IRAG1: variants seen among roughly 807,000 people sequenced by gnomAD.
IRAG1 encodes the protein inositol 1,4,5-triphosphate receptor associated 1.
In IRAG1, 62 loss-of-function variants were observed where a neutral mutation model predicts 106.2. The observed-to-expected ratio is 0.58, with a 90% confidence interval of 0.48 to 0.72. The LOEUF (loss-of-function observed/expected upper bound fraction) is 0.72, where lower values mean the gene tolerates loss of function less well. Among genes scored for constraint, IRAG1 ranks in the 30% least tolerant of loss-of-function variants. IRAG1 has a pLI of 0.00. For missense variants in IRAG1, 1,064 were observed against 1,140.7 expected (o/e 0.93, Z 0.97); for synonymous variants, 462 against 443.9 (o/e 1.04, Z -0.51).
intron 15 of IRAG1, among the ~76,000 whole-genome samples, chr11:10,595,010 C>A (rs1448588732): frequency 6.6e-6 from 1 of 152,134 alleles, no homozygotes; most frequent in African/African-American, 2.4e-5. Context: ...CTGCAACCTC[C>A]GGCTCCTGGG....
chr11:10,658,814 T>C (rs1251986587), intron 1 of IRAG1, among the ~76,000 whole-genome samples: 1 of 151,064 alleles, frequency 6.6e-6, no homozygotes, highest in Non-Finnish European at 1.5e-5. Context: ...GTCCTAGGTC[T>C]GTGCTGTGGT....
At chr11:10,594,495 T>G (rs772069479) in intron 15 of IRAG1, among the ~76,000 whole-genome samples, 2 of 152,182 alleles carry the variant, frequency 1.3e-5, no homozygotes, top group African/African-American at 4.8e-5. Flanking sequence ...ACACCCTAGA[T>G]AGTGTATGAA....
chr11:10,685,726 G>T, intron 1 of IRAG1, among the ~76,000 whole-genome samples: 1 of 135,834 alleles, frequency 7.4e-6, no homozygotes, highest in South Asian at 2.4e-4. Context: ...TGCCTCTCTT[G>T]AAAAAAAAAA....
At chr11:10,627,593 G>GA in intron 8 of IRAG1, 123 bp downstream of exon 8, 1 of 1,006,310 alleles carries the variant, frequency 9.9e-7, no homozygotes, top group East Asian at 2.4e-5. Flanking sequence ...CCCCAGCCCT[G>GA]ACCCTCCACT....
At chr11:10,593,831 T>G in intron 16 of IRAG1, 1 of 574,726 alleles carries the variant, frequency 1.7e-6, no homozygotes, top group Admixed American at 3.1e-5. Flanking sequence ...TTATGAGATC[T>G]TGGAGATACA....
Position 10,574,829 on chromosome 11 carries a change from C to T in IRAG1, c.*1503G>A, listed in dbSNP as rs1850738162. On this transcript the variant is annotated 3_prime_UTR_variant, in exon 21 of 21. Coordinates refer to ENST00000423302, the MANE Select transcript of IRAG1 (RefSeq NM_130385.4). ...GAGCACAGCTCTGGAGCCAGCCTAC[C>T]CTGGGGTTGAGCTCCAGCCCCATGA... is the stretch of plus-strand genomic sequence containing the variant. The T allele has an allele frequency of 6.6e-6, 1 of 152,140 alleles. No individual in the cohort carries two copies. Among genetic ancestry groups the T allele is most frequent in the Non-Finnish European group, 1.5e-5 (1 of 68,038 alleles). The allele number at this position is 152,140 out of a possible 1,614,324, so 9.4% of individuals were successfully genotyped here. A position where few individuals can be genotyped will look rare whatever the true frequency, so the allele number is the denominator to read the frequency against.
rs996533664 is a variant in IRAG1 at position 10,574,866 on chromosome 11, G to C, written c.*1466C>G. On this transcript the variant is annotated 3_prime_UTR_variant, in exon 21 of 21. Transcript: ENST00000423302. ...CTCCAGCCCCATGATTTACTACCGG[G>C]GTGTCCTTGTCAAGTTACTTGTTCT... The C allele has an allele frequency of 6.6e-6, 1 of 152,034 alleles. No individual in the cohort carries two copies. Among genetic ancestry groups the C allele is most frequent in the Non-Finnish European group, 1.5e-5 (1 of 68,024 alleles). 9.4% of individuals were successfully genotyped at this position (152,034 alleles called of 1,614,324 possible).
At chr11:10,637,552 A>AAAAAG (rs1857230892) in intron 2 of IRAG1, among the ~76,000 whole-genome samples, 1 of 152,160 alleles carries the variant, frequency 6.6e-6, no homozygotes, top group Non-Finnish European at 1.5e-5. Context: ...CAGGAAGATT[A>AAAAAG]TGCAAGTAAA....
intron 1 of IRAG1, among the ~76,000 whole-genome samples, chr11:10,664,245 G>C (rs567318951): frequency 6.6e-6 from 1 of 152,292 alleles, no homozygotes; most frequent in South Asian, 2.1e-4. Flanking sequence ...ACCAGCAGGA[G>C]AGAGTGTTCT....
At chr11:10,616,229 C>T (rs1004316284) in intron 10 of IRAG1, among the ~76,000 whole-genome samples, 1 of 147,552 alleles carries the variant, frequency 6.8e-6, no homozygotes, top group Non-Finnish European at 1.5e-5. Flanking sequence ...GGAGGTGGAG[C>T]TTGCAGTGAG....
At chr11:10,692,195 G>A (rs1231743298) in intron 1 of IRAG1, among the ~76,000 whole-genome samples, 2 of 150,956 alleles carry the variant, frequency 1.3e-5, no homozygotes, top group Admixed American at 6.6e-5. Context: ...AAATATGCAT[G>A]CACACACACA....
At chr11:10,692,341 G>A (rs1001496752) in intron 1 of IRAG1, among the ~76,000 whole-genome samples, 3 of 152,136 alleles carry the variant, frequency 2.0e-5, no homozygotes, top group African/African-American at 7.2e-5. Context: ...TGAGAGGCAT[G>A]GGCACTGGAG....
At position 10,672,679 on chromosome 11, in the gene IRAG1, G is replaced by A. The variant is rs552866771; in HGVS notation, c.68-20497C>T. On this transcript the variant is annotated intron_variant, in intron 1 of 20. Transcript: ENST00000423302. The stretch of plus-strand genomic sequence containing the variant: ...AATAAAAAAGACAACAGCAAGTGTC[G>A]ACTAGGATGTGAAGAAACTAGAACC... Among the ~76,000 whole-genome samples the A allele has an allele frequency of 1.1e-4, 16 of 152,266 alleles. No homozygotes were observed. The South Asian group carries it at 2.7e-3, about 26-fold the overall frequency.
chr11:10,648,797 CTGCGTGTGTGTCTGTGTGTGTGTA>C (rs1858193295), intron 2 of IRAG1, among the ~76,000 whole-genome samples: 1 of 151,716 alleles, frequency 6.6e-6, no homozygotes, highest in South Asian at 2.1e-4. Flanking sequence ...GCCTGTGTAT[CTGCGTGTGTGTCTGTGTGTGTGTA>C]TGCGTGTGTA....
chr11:10,648,604 C>T (rs550439798), intron 2 of IRAG1, among the ~76,000 whole-genome samples: 6 of 152,312 alleles, frequency 3.9e-5, no homozygotes, highest in African/African-American at 1.4e-4. Context: ...GTTCTGACAG[C>T]TTCTATTCCT....
At chr11:10,630,534 C>T (rs1291888358) in intron 4 of IRAG1, among the ~76,000 whole-genome samples, 9 of 152,170 alleles carry the variant, frequency 5.9e-5, no homozygotes, top group Non-Finnish European at 1.2e-4. Context: ...ATTATGTCTT[C>T]TACCTAAGAG....
Position 10,604,676 on chromosome 11 carries a change from G to A in IRAG1, c.1603-131C>T, listed in dbSNP as rs1266596074. ...GCCGCCAAAGCACCAAAGCAGCCATGTGCAAGGGAAACGCTCACTTCACAG... is the reference window on the plus strand; with the variant it reads ...GCCGCCAAAGCACCAAAGCAGCCATATGCAAGGGAAACGCTCACTTCACAG... On this transcript the variant is annotated intron_variant, in intron 12 of 20. Transcript: ENST00000423302. The A allele has an allele frequency of 2.7e-6, 3 of 1,114,364 alleles. No homozygotes were observed. The African/African-American group carries it at 4.7e-5, about 17-fold the overall frequency. The allele number at this position is 1,114,364 out of a possible 1,614,324, so 69.0% of individuals were successfully genotyped here. A position where few individuals can be genotyped will look rare whatever the true frequency, so the allele number is the denominator to read the frequency against.
At chr11:10,618,066 T>C (rs561954076) in intron 10 of IRAG1, among the ~76,000 whole-genome samples, 4 of 152,352 alleles carry the variant, frequency 2.6e-5, no homozygotes, top group African/African-American at 9.6e-5. Flanking sequence ...ATTTCCTTGG[T>C]CTCAGCCCAC....
At chr11:10,642,544 C>A (rs772093204) in intron 2 of IRAG1, among the ~76,000 whole-genome samples, 8 of 152,206 alleles carry the variant, frequency 5.3e-5, no homozygotes, top group Non-Finnish European at 1.0e-4. Flanking sequence ...GAGGACCCTG[C>A]TGGAAGGCAA....
Sources: gnomAD v4.1 joint callset for allele counts (sites outside exome capture counted in the v4.1 genomes callset) on GRCh38, gnomAD v4.1.1 for gene constraint, MANE v1.5 for transcripts, NCBI Gene and HGNC (gene_info 2026-07-23, HGNC 2026-07-21) for gene names.